Variants in SLC1A1 observed in about 807,000 individuals in gnomAD.
SLC1A1 encodes the protein excitatory amino acid transporter 3.
SLC1A1 carries 43 observed loss-of-function variants against 53.3 expected under a neutral mutation model. The ratio of observed to expected loss-of-function variants is 0.81; its 90% CI spans 0.63 to 1.04. The LOEUF (loss-of-function observed/expected upper bound fraction) is 1.04, where lower values mean the gene tolerates loss of function less well. Among genes scored for constraint, SLC1A1 ranks in the 50% least tolerant of loss-of-function variants. SLC1A1 has a pLI of 0.00. For synonymous variants in SLC1A1, 307 were observed against 243.2 expected, an observed-to-expected ratio of 1.26 and a Z score of -2.44; for missense variants, 748 against 664.9, an observed-to-expected ratio of 1.12 and a Z score of -1.37.
chr9:4,557,969 A>G (rs1242187234), intron 2 of SLC1A1, among the ~76,000 whole-genome samples: 1 of 152,200 alleles, frequency 6.6e-6, no homozygotes, highest in Non-Finnish European at 1.5e-5. Context: ...GGGGGTAATA[A>G]TGCCCGCCTC....
rs965222397 is a variant in SLC1A1 at position 4,583,230 on chromosome 9, G to A, written c.1328+58G>A. The A allele has an allele frequency of 1.5e-5, 24 of 1,600,726 alleles. No homozygotes were observed. The Middle Eastern group carries it at 5.0e-4, about 33-fold the overall frequency. On this transcript the variant is annotated intron_variant, in intron 11 of 11. Transcript: ENST00000262352. This position sits in a 1 kb window ranked among gnomAD's most constrained non-coding sequence, Gnocchi z 4.6. ...ATGTGCAGGCGGGCTTCCCAGCCTC[G>A]CAGGCGCTGCAGTCTGTCATCATTC...
intron 2 of SLC1A1, among the ~76,000 whole-genome samples, chr9:4,545,964 T>C (rs957932615): frequency 6.6e-6 from 1 of 152,186 alleles, no homozygotes; most frequent in Non-Finnish European, 1.5e-5. Context: ...AAACATGCAA[T>C]TAGAAGTCGT....
chr9:4,537,512 T>C (rs1471437468), intron 1 of SLC1A1, among the ~76,000 whole-genome samples: 1 of 103,686 alleles, frequency 9.6e-6, no homozygotes, highest in African/African-American at 3.6e-5. Flanking sequence ...TGAGCCGAGA[T>C]TGCGCCACTG....
At chr9:4,564,538 G>C (rs540973673) in intron 4 of SLC1A1, 80 bp downstream of exon 4, 1 of 841,008 alleles carries the variant, frequency 1.2e-6, no homozygotes, top group East Asian at 2.6e-5. Flanking sequence ...ATATTCTGCT[G>C]TTACTGTATT....
intron 1 of SLC1A1, among the ~76,000 whole-genome samples, chr9:4,493,525 A>C (rs1043265390): frequency 6.6e-6 from 1 of 152,236 alleles, no homozygotes; most frequent in African/African-American, 2.4e-5. Flanking sequence ...ACTTTTCAGC[A>C]TGTGGAACTT....
At position 4,528,260 on chromosome 9, in the gene SLC1A1, G is replaced by C. The variant is rs1037797586; in HGVS notation, c.92-16307G>C. On this transcript the variant is annotated intron_variant, in intron 1 of 11. Transcript: ENST00000262352. ...CTGCATGGAAAATCTTGGAGGACTG[G>C]AGTTTGATTTTATTAAAAATGCAAG... 2.6e-5 allele frequency among the ~76,000 whole-genome samples: 4 copies of C among 151,008 alleles called. No homozygotes were observed. In the South Asian group the frequency reaches 8.4e-4, roughly 32 times the overall value.
At position 4,587,037 on chromosome 9, in the gene SLC1A1, T is replaced by C. The variant is rs1821617653; in HGVS notation, c.*1479T>C. 6.6e-6 allele frequency: 1 copy of C among 152,626 alleles called. No homozygotes were observed. The highest frequency in any genetic ancestry group is 1.5e-5 in the Non-Finnish European group (1 of 68,032). 9.5% of individuals were successfully genotyped at this position (152,626 alleles called of 1,614,324 possible). The stretch of plus-strand genomic sequence containing the variant: ...ATAGTCATGTTTCTGCAGTATTCTG[T>C]AGCCAACTTAAACCTGTGCTTTCAT... On this transcript the variant is annotated 3_prime_UTR_variant, in exon 12 of 12. Coordinates refer to ENST00000262352, the MANE Select transcript of SLC1A1 (RefSeq NM_004170.6).
intron 5 of SLC1A1, 71 bp downstream of exon 5, chr9:4,566,160 C>T: frequency 7.4e-7 from 1 of 1,346,598 alleles, no homozygotes; most frequent in Non-Finnish European, 1.1e-6. Context: ...TTTTTTTCTG[C>T]TGTGACTCAA....
At position 4,540,269 on chromosome 9, in the gene SLC1A1, GAAAGCCATGTTCATCAGC is replaced by G. The variant is rs574437746; in HGVS notation, c.92-4295_92-4278del. On this transcript the variant is annotated intron_variant, in intron 1 of 11. Coordinates refer to ENST00000262352, the MANE Select transcript of SLC1A1 (RefSeq NM_004170.6). ...ATCCCCTTTTCAGCTCCCCTCCATTGAAAGCCATGTTCATCAGCAATAAAATCCTCCACATTCACCACC... is the reference window on the plus strand; with the variant it reads ...ATCCCCTTTTCAGCTCCCCTCCATTGAATAAAATCCTCCACATTCACCACC... Among the ~76,000 whole-genome samples, 7 of 152,172 alleles carry G rather than the reference GAAAGCCATGTTCATCAGC, an allele frequency of 4.6e-5. No individual in the cohort carries two copies. The East Asian group carries it at 1.4e-3, about 29-fold the overall frequency.
At chr9:4,506,000 G>A (rs1020772589) in intron 1 of SLC1A1, among the ~76,000 whole-genome samples, 1 of 151,864 alleles carries the variant, frequency 6.6e-6, no homozygotes, top group Non-Finnish European at 1.5e-5. Flanking sequence ...ATTTTTGTAT[G>A]TTTTTAGTAG....
Position 4,585,773 on chromosome 9 carries a change from G to C in SLC1A1, c.*215G>C, listed in dbSNP as rs533627862. 1.2e-5 allele frequency: 7 copies of C among 589,076 alleles called. No individual in the cohort carries two copies. In the East Asian group the frequency reaches 1.5e-4, roughly 12 times the overall value. 36.5% of individuals were successfully genotyped at this position (589,076 alleles called of 1,614,324 possible). On this transcript the variant is annotated 3_prime_UTR_variant, in exon 12 of 12. Coordinates refer to ENST00000262352, the MANE Select transcript of SLC1A1 (RefSeq NM_004170.6). ...TAAGTTGAAGGGAAATCAATTTAAA[G>C]GAAAGTTCTATTATCTGGGTTTTAG...
intron 2 of SLC1A1, among the ~76,000 whole-genome samples, chr9:4,551,873 A>G (rs1180893453): frequency 6.6e-6 from 1 of 151,984 alleles, no homozygotes; most frequent in Non-Finnish European, 1.5e-5. Context: ...TATTGTATCA[A>G]TTTGATTTCT....
intron 2 of SLC1A1, chr9:4,559,733 C>A (rs533676353): frequency 2.0e-4 from 30 of 152,292 alleles, no homozygotes; most frequent in African/African-American, 6.3e-4. Flanking sequence ...GTTGAATATG[C>A]AAAATCATTT....
chr9:4,550,715 T>A (rs1181989682), intron 2 of SLC1A1, among the ~76,000 whole-genome samples: 1 of 152,172 alleles, frequency 6.6e-6, no homozygotes, highest in Non-Finnish European at 1.5e-5. Flanking sequence ...GTAAAAAAGT[T>A]TAAAGCCTTA....
At chr9:4,494,663 T>G (rs1014246065) in intron 1 of SLC1A1, among the ~76,000 whole-genome samples, 4 of 151,032 alleles carry the variant, frequency 2.6e-5, no homozygotes, top group Admixed American at 2.0e-4. Context: ...ATAATTTATA[T>G]AAATATAATT....
chr9:4,541,627 G>A (rs188278972), intron 1 of SLC1A1, among the ~76,000 whole-genome samples: 1 of 152,168 alleles, frequency 6.6e-6, no homozygotes, highest in Non-Finnish European at 1.5e-5. Flanking sequence ...TAAGGAAAAG[G>A]CTAATCTATA....
In SLC1A1 at chr9:4,546,860, G is replaced by A. The variant is rs187904815; in HGVS notation, c.232+2153G>A. On this transcript the variant is annotated intron_variant, in intron 2 of 11. Transcript: ENST00000262352. ...CAATGCAAACTTTGGACTTCCTTTC[G>A]AGAAAAATCTTCACAATTGTACATA... 2.6e-3 allele frequency among the ~76,000 whole-genome samples: 393 copies of A among 152,164 alleles called. 2 individuals are homozygous for A. Among genetic ancestry groups the A allele is most frequent in the Non-Finnish European group, 4.3e-3 (292 of 68,022 alleles).
At position 4,586,059 on chromosome 9, in the gene SLC1A1, T is replaced by C. The variant is rs1821548710; in HGVS notation, c.*501T>C. On this transcript the variant is annotated 3_prime_UTR_variant, in exon 12 of 12. Coordinates refer to ENST00000262352, the MANE Select transcript of SLC1A1 (RefSeq NM_004170.6). ...TGTGCCAAAATGTCAATTTTTAACT[T>C]ATCTCCAGCCAATTTCAAAGAAAAC... 1 of 178,436 alleles carries C rather than the reference T, an allele frequency of 5.6e-6. No homozygotes were observed. Among genetic ancestry groups the C allele is most frequent in the Non-Finnish European group, 1.2e-5 (1 of 83,852 alleles). 11.1% of individuals were successfully genotyped at this position (178,436 alleles called of 1,614,324 possible).
Position 4,575,164 on chromosome 9 carries a change from T to C in SLC1A1, c.876-837T>C, listed in dbSNP as rs572459028. 7.5e-4 allele frequency among the ~76,000 whole-genome samples: 115 copies of C among 152,352 alleles called. 3 individuals are homozygous for C. The South Asian group carries it at 0.024, about 31-fold the overall frequency. On this transcript the variant is annotated intron_variant, in intron 8 of 11. Coordinates refer to ENST00000262352, the MANE Select transcript of SLC1A1 (RefSeq NM_004170.6). ...TCATGGTTTTTAGCTACAAGCTCTC[T>C]ATCAAGAAGATCCTCTCGCCAGAAC...
Sources: gnomAD v4.1 joint callset for allele counts (sites outside exome capture counted in the v4.1 genomes callset) on GRCh38, gnomAD v4.1.1 for gene constraint, Gnocchi (gnomAD v3.1) non-coding constraint, MANE v1.5 for transcripts, NCBI Gene and HGNC (gene_info 2026-07-23, HGNC 2026-07-21) for gene names.